Variants in ACAP2 observed in about 807,000 individuals in gnomAD.
ACAP2 encodes the protein ArfGAP with coiled-coil, ankyrin repeat and PH domains 2, also known as arf-GAP with coiled-coil, ANK repeat and PH domain-containing protein 2.
Under a neutral mutation model 115.8 loss-of-function variants are expected in ACAP2, and 39 were observed. The observed-to-expected ratio is 0.34, with a 90% confidence interval of 0.26 to 0.44. The LOEUF is 0.44. Among genes scored for constraint, ACAP2 ranks in the 20% least tolerant of loss-of-function variants. The pLI is 1.00. For missense variants in ACAP2, 662 were observed against 927.6 expected, an observed-to-expected ratio of 0.71 and a Z score of 3.72; for synonymous variants, 289 against 315.8, an observed-to-expected ratio of 0.92 and a Z score of 0.90.
intron 10 of ACAP2, among the ~76,000 whole-genome samples, chr3:195,309,267 C>A (rs1289563182): frequency 6.6e-6 from 1 of 152,070 alleles, no homozygotes; most frequent in Non-Finnish European, 1.5e-5. Context: ...TGTGGCCAGG[C>A]ACGGTGGCTC....
At chr3:195,409,159 C>T (rs1217147317) in intron 1 of ACAP2, among the ~76,000 whole-genome samples, 1 of 150,838 alleles carries the variant, frequency 6.6e-6, no homozygotes, top group Non-Finnish European at 1.5e-5. Context: ...TTTCTGTTTA[C>T]AGACAATATG....
intron 1 of ACAP2, among the ~76,000 whole-genome samples, chr3:195,433,496 G>A (rs1338564131): frequency 6.6e-6 from 1 of 152,208 alleles, no homozygotes; most frequent in Non-Finnish European, 1.5e-5. Flanking sequence ...GTGTTGAACA[G>A]AAGTGGTGAC....
intron 1 of ACAP2, among the ~76,000 whole-genome samples, chr3:195,413,142 G>T (rs971145582): frequency 2.6e-5 from 4 of 152,082 alleles, no homozygotes; most frequent in African/African-American, 7.2e-5. Context: ...TGTTCCTTTT[G>T]TAAGTAGTTT....
chr3:195,289,329 T>C, intron 20 of ACAP2, 98 bp from the exon 21 acceptor site: 1 of 803,348 alleles, frequency 1.2e-6, no homozygotes. Context: ...AACATTTTCA[T>C]TAGGAAATTC....
At chr3:195,346,875 T>C (rs147585844) in intron 4 of ACAP2, among the ~76,000 whole-genome samples, 144 of 152,310 alleles carry the variant, frequency 9.5e-4, no homozygotes, top group African/African-American at 3.4e-3. Flanking sequence ...TCTCAATGCA[T>C]TTTGCTAAGT....
chr3:195,311,192 G>T (rs899499268), intron 10 of ACAP2, among the ~76,000 whole-genome samples: 5 of 151,458 alleles, frequency 3.3e-5, no homozygotes, highest in Non-Finnish European at 5.9e-5. Context: ...CACTTCCTGG[G>T]TTCAAGCGAT....
chr3:195,351,057 A>G (rs1731535413), intron 4 of ACAP2, among the ~76,000 whole-genome samples: 1 of 152,036 alleles, frequency 6.6e-6, no homozygotes, highest in Non-Finnish European at 1.5e-5. Flanking sequence ...AAGGCAAGCC[A>G]AAGCATGGAA....
At chr3:195,285,648 C>G (rs1726795755) in intron 22 of ACAP2, 148 bp downstream of exon 22, 1 of 660,332 alleles carries the variant, frequency 1.5e-6, no homozygotes, top group Admixed American at 3.0e-5. Context: ...ACAAAGCTAA[C>G]AACTCACAAT....
At chr3:195,411,816 AG>A (rs2108812097) in intron 1 of ACAP2, among the ~76,000 whole-genome samples, 1 of 152,090 alleles carries the variant, frequency 6.6e-6, no homozygotes, top group East Asian at 1.9e-4. Context: ...AGGTCAAGGC[AG>A]GAAGATCTCT....
chr3:195,438,911 A>C (rs764825221), intron 1 of ACAP2, among the ~76,000 whole-genome samples: 3 of 152,014 alleles, frequency 2.0e-5, no homozygotes, highest in Non-Finnish European at 4.4e-5. Context: ...AATACAAAAA[A>C]TTAGCCAGGC....
At chr3:195,424,976 G>A (rs571082109) in intron 1 of ACAP2, among the ~76,000 whole-genome samples, 5 of 110,124 alleles carry the variant, frequency 4.5e-5, no homozygotes, top group African/African-American at 1.8e-4. Flanking sequence ...GCAGTGAGCT[G>A]AGATCGCGCC....
At chr3:195,400,593 T>C (rs1712202914) in intron 1 of ACAP2, among the ~76,000 whole-genome samples, 1 of 152,152 alleles carries the variant, frequency 6.6e-6, no homozygotes, top group Admixed American at 6.6e-5. Flanking sequence ...GTAGTAGGCT[T>C]CAACATGACA....
Position 195,319,051 on chromosome 3 carries a change from T to C in ACAP2, c.857+1650A>G, listed in dbSNP as rs555364033. Among the ~76,000 whole-genome samples, 12 of 152,312 alleles carry C rather than the reference T, an allele frequency of 7.9e-5. No homozygotes were observed. In the East Asian group the frequency reaches 2.3e-3, roughly 29 times the overall value. On this transcript the variant is annotated intron_variant, in intron 10 of 22. Coordinates refer to ENST00000326793, the MANE Select transcript of ACAP2 (RefSeq NM_012287.6). ...AACCCAGGCACTCCAATTCCAGCCA[T>C]GGCTAAAAGAGGCCAAGGTACAGCT...
At chr3:195,365,976 G>A (rs1170692197) in intron 4 of ACAP2, among the ~76,000 whole-genome samples, 2 of 151,834 alleles carry the variant, frequency 1.3e-5, no homozygotes, top group Non-Finnish European at 2.9e-5. Flanking sequence ...TGAGTAGCTG[G>A]GATTACAGGC....
At position 195,382,031 on chromosome 3, in the gene ACAP2, G is replaced by GAAAAAAAAA. The variant is rs139637475; in HGVS notation, c.112-18_112-10dup. 1 of 1,490,328 alleles carries GAAAAAAAAA rather than the reference G, an allele frequency of 6.7e-7. No individual in the cohort carries two copies. Among genetic ancestry groups the GAAAAAAAAA allele is most frequent in the Non-Finnish European group, 9.1e-7 (1 of 1,104,276 alleles). 92.3% of individuals were successfully genotyped at this position (1,490,328 alleles called of 1,614,324 possible). On this transcript the variant is annotated splice_polypyrimidine_tract_variant and intron_variant, in intron 2 of 22. Transcript: ENST00000326793. ...ATACAAAGTTTCACAAGCTGAAAAA[G>GAAAAAAAAA]AAAAAAAAAATTCATCAGGTTGAAG...
rs756269231 is a variant in ACAP2, at chr3:195,320,751, C to T, written c.807G>A (p.Met269Ile). The change falls in exon 10 of 23, where the codon ATG becomes ATA. Residue 269 changes from methionine (M) to isoleucine (I), a missense_variant. Around this residue, in one of 3 missense-constraint regions of ACAP2, gnomAD observed 401 missense variants for 604.4 expected, o/e 0.66. Coordinates refer to ENST00000326793, the MANE Select transcript of ACAP2 (RefSeq NM_012287.6). ...TGGCTCGTTTGAACAGATATCCTTC[C>T]ATAACTATGCCATTTGCAGCATCTA... ...YNVDAANGIVMEGYLFKRASN... is the reference protein window; with the variant it reads ...YNVDAANGIVIEGYLFKRASN... The T allele has an allele frequency of 1.9e-6, 3 of 1,613,570 alleles. No individual in the cohort carries two copies.
At chr3:195,425,257 C>T (rs1714594302) in intron 1 of ACAP2, among the ~76,000 whole-genome samples, 1 of 152,014 alleles carries the variant, frequency 6.6e-6, no homozygotes, top group Admixed American at 6.6e-5. Context: ...CAAGACTTAA[C>T]GATTCTGGAC....
Position 195,296,189 on chromosome 3 carries a change from T to C in ACAP2, c.1488-297A>G, listed in dbSNP as rs182458107. Among the ~76,000 whole-genome samples, 75 of 152,084 alleles carry C rather than the reference T, an allele frequency of 4.9e-4. 1 individual carries two copies. Among genetic ancestry groups the C allele is most frequent in the African/African-American group, 1.7e-3 (69 of 41,538 alleles). ...GCTATTCATTTCTATACTGCCCTCATGCTTTTTGCAGAGTAGAAAACATCA... is the reference window on the plus strand; with the variant it reads ...GCTATTCATTTCTATACTGCCCTCACGCTTTTTGCAGAGTAGAAAACATCA... On this transcript the variant is annotated intron_variant, in intron 16 of 22. Transcript: ENST00000326793.
At chr3:195,413,966 C>A (rs756146675) in intron 1 of ACAP2, among the ~76,000 whole-genome samples, 2 of 150,914 alleles carry the variant, frequency 1.3e-5, no homozygotes, top group Non-Finnish European at 2.9e-5. Context: ...CAGAATGAGA[C>A]CCTGTCTCTT....
Sources: gnomAD v4.1 joint callset for allele counts (sites outside exome capture counted in the v4.1 genomes callset) on GRCh38, gnomAD v4.1.1 for gene constraint, gnomAD v4.1.1 regional missense constraint, MANE v1.5 for transcripts, NCBI Gene and HGNC (gene_info 2026-07-23, HGNC 2026-07-21) for gene names.